Variants in CSGALNACT1 observed in about 807,000 individuals in gnomAD.
The protein encoded by CSGALNACT1 is beta4GalNAcT-1.
Under a neutral mutation model 51.0 loss-of-function variants are expected in CSGALNACT1, and 52 were observed. That is an observed-to-expected ratio of 1.02 (90% CI 0.82 to 1.29). CSGALNACT1 has a LOEUF of 1.29. CSGALNACT1 is among the 50% of genes most tolerant of loss of function. The pLI, the probability that CSGALNACT1 is intolerant of heterozygous loss-of-function variation, is 0.00. For missense variants in CSGALNACT1, 935 were observed against 679.2 expected (o/e 1.38, Z -4.19); for synonymous variants, 341 against 254.4 (o/e 1.34, Z -3.24).
At chr8:19,541,249 T>G (rs2085052817) in intron 3 of CSGALNACT1, among the ~76,000 whole-genome samples, 1 of 143,526 alleles carries the variant, frequency 7.0e-6, no homozygotes, top group Non-Finnish European at 1.5e-5. Context: ...TTGGCTAATT[T>G]TTTTTTTTTT....
chr8:19,546,024 A>T (rs2086390319), intron 3 of CSGALNACT1, among the ~76,000 whole-genome samples: 1 of 151,990 alleles, frequency 6.6e-6, no homozygotes, highest in Non-Finnish European at 1.5e-5. Context: ...AATTTAGGTC[A>T]TACAGTTGTC....
chr8:19,588,253 C>T (rs1457439922), intron 3 of CSGALNACT1, among the ~76,000 whole-genome samples: 2 of 152,014 alleles, frequency 1.3e-5, no homozygotes, highest in Non-Finnish European at 2.9e-5. Flanking sequence ...CACACAAACA[C>T]ATATATATAC....
At chr8:19,631,274 G>T (rs1392650410) in intron 1 of CSGALNACT1, among the ~76,000 whole-genome samples, 1 of 151,894 alleles carries the variant, frequency 6.6e-6, no homozygotes, top group East Asian at 1.9e-4. Context: ...AAAAAAAACT[G>T]CCAAACTGTC....
chr8:19,457,818 T>A lies in CSGALNACT1; in HGVS notation c.851+608A>T. On this transcript the variant is annotated intron_variant, in intron 5 of 9. Coordinates refer to ENST00000454498, the Ensembl canonical transcript of CSGALNACT1. Reference sequence around the variant, plus strand: ...CATCTAAAAACTTCATCAGCAGGCCTGAAAAATGAAACCCAGCTTAGTCTC... The same window carrying A: ...CATCTAAAAACTTCATCAGCAGGCCAGAAAAATGAAACCCAGCTTAGTCTC... The A allele has an allele frequency of 2.2e-6, 3 of 1,350,730 alleles. No homozygotes were observed. In the South Asian group the frequency reaches 3.4e-5, roughly 15 times the overall value. 83.7% of individuals were successfully genotyped at this position (1,350,730 alleles called of 1,614,324 possible). A position where few individuals can be genotyped will look rare whatever the true frequency, so the allele number is the denominator to read the frequency against.
At chr8:19,484,586 G>C (rs972528221) in intron 4 of CSGALNACT1, among the ~76,000 whole-genome samples, 3 of 152,144 alleles carry the variant, frequency 2.0e-5, no homozygotes, top group African/African-American at 7.2e-5. Context: ...CTCATTTCAG[G>C]AGTCAAGTTG....
chr8:19,488,380 T>TATATATATATATATATATATAC, intron 4 of CSGALNACT1, among the ~76,000 whole-genome samples: 1 of 17,616 alleles, frequency 5.7e-5, no homozygotes, highest in South Asian at 1.5e-3. Context: ...CATATATATA[T>TATATATATATATATATATATAC]ATATATATAT....
At chr8:19,484,134 T>C (rs1299535798) in intron 4 of CSGALNACT1, among the ~76,000 whole-genome samples, 1 of 146,626 alleles carries the variant, frequency 6.8e-6, no homozygotes, top group Non-Finnish European at 1.5e-5. Flanking sequence ...TTACTGCGCT[T>C]ATGTTCATGT....
intron 1 of CSGALNACT1, among the ~76,000 whole-genome samples, chr8:19,610,269 G>A (rs1266264591): frequency 3.1e-5 from 4 of 130,156 alleles, no homozygotes; most frequent in African/African-American, 9.3e-5. Context: ...CATCCTGGGC[G>A]ACAGAGTACG....
upstream of CSGALNACT1, among the ~76,000 whole-genome samples, chr8:19,604,589 G>C (rs1392026757): frequency 1.3e-5 from 2 of 152,006 alleles, no homozygotes; most frequent in East Asian, 1.9e-4. Flanking sequence ...ACAGGACTTA[G>C]CCTTCATGTA....
chr8:19,653,588 G>C (rs1206646520), intron 1 of CSGALNACT1, among the ~76,000 whole-genome samples: 1 of 152,108 alleles, frequency 6.6e-6, no homozygotes, highest in African/African-American at 2.4e-5. Context: ...GACCCCAGGA[G>C]TTAGAGACCA....
At chr8:19,691,340 T>G (rs942039214) in intron 1 of CSGALNACT1, among the ~76,000 whole-genome samples, 3 of 152,180 alleles carry the variant, frequency 2.0e-5, no homozygotes, top group Admixed American at 6.5e-5. Flanking sequence ...CTCACTGTTT[T>G]TGACAACACA....
chr8:19,705,723 C>T (rs547738066), intron 1 of CSGALNACT1, among the ~76,000 whole-genome samples: 5 of 151,746 alleles, frequency 3.3e-5, no homozygotes, highest in South Asian at 2.1e-4. Context: ...GGCAACAGAG[C>T]GAGACCCAGT....
chr8:19,581,174 T>TAA (rs1368553031), intron 3 of CSGALNACT1, among the ~76,000 whole-genome samples: 1 of 152,070 alleles, frequency 6.6e-6, no homozygotes, highest in East Asian at 1.9e-4. Context: ...AGGAGAAATA[T>TAA]AAATAAAATA....
At chr8:19,550,986 T>C (rs1365174987) in intron 3 of CSGALNACT1, among the ~76,000 whole-genome samples, 2 of 152,228 alleles carry the variant, frequency 1.3e-5, no homozygotes, top group Admixed American at 6.5e-5. Context: ...CCACTACTCC[T>C]TATTCTGACT....
intron 2 of CSGALNACT1, among the ~76,000 whole-genome samples, chr8:19,596,046 T>A (rs574899794): frequency 1.1e-4 from 16 of 151,982 alleles, no homozygotes; most frequent in Admixed American, 3.3e-4. Context: ...AAAAATATTT[T>A]TATAGAGACA....
At chr8:19,644,333 CTTTT>C (rs1340313094) in intron 1 of CSGALNACT1, among the ~76,000 whole-genome samples, 3 of 148,816 alleles carry the variant, frequency 2.0e-5, no homozygotes, top group South Asian at 2.1e-4. Context: ...TAGTATATTT[CTTTT>C]TTGTTTTCAC....
rs140548274 is a variant in CSGALNACT1, at chr8:19,720,615, G to C, written c.-297+37235C>G. Among the ~76,000 whole-genome samples, 5 of 152,290 alleles carry C rather than the reference G, an allele frequency of 3.3e-5. No individual in the cohort carries two copies. The East Asian group carries it at 7.7e-4, about 24-fold the overall frequency. ...GCTCCCTTCCCCGGACAGGGCTAAG[G>C]AGTGTGGCTGTGCCAGGCGTGGCAT... On this transcript the variant is annotated intron_variant, in intron 1 of 1. Coordinates refer to the CSGALNACT1 transcript ENST00000517494.
chr8:19,417,972 G>A (rs2057213657), intron 8 of CSGALNACT1, among the ~76,000 whole-genome samples: 1 of 152,196 alleles, frequency 6.6e-6, no homozygotes, highest in African/African-American at 2.4e-5. Flanking sequence ...TGTGACAACA[G>A]AGACATCTCA....
chr8:19,704,689 G>GATGGATGGGTGGATAA (rs1307757167), intron 1 of CSGALNACT1, among the ~76,000 whole-genome samples: 1 of 152,154 alleles, frequency 6.6e-6, no homozygotes. Flanking sequence ...CGGATGGATG[G>GATGGATGGGTGGATAA]ATGGATGGGT....
Sources: allele counts gnomAD v4.1 joint callset (sites outside exome capture counted in the v4.1 genomes callset), GRCh38; gene constraint gnomAD v4.1.1; transcripts MANE v1.5; gene names NCBI Gene and HGNC (gene_info 2026-07-23, HGNC 2026-07-21).